FBN2: variants seen among roughly 807,000 people sequenced by gnomAD.
FBN2 encodes fibrillin 2, also known as fibrillin-2.
A neutral mutation model predicts 355.6 loss-of-function variants in FBN2; 105 were observed. That is an observed-to-expected ratio of 0.30 (90% CI 0.25 to 0.35). The LOEUF is 0.35. Ranked by LOEUF, FBN2 falls within the 10% of genes least tolerant of loss-of-function variation. FBN2 has a pLI of 1.00. For missense variants in FBN2, 3,280 were observed against 3,758.7 expected (o/e 0.87, Z 3.33); for synonymous variants, 1,350 against 1,301.2 (o/e 1.04, Z -0.81).
chr5:128,519,187 A>T, intron 5 of FBN2, 86 bp downstream of exon 5: 2 of 887,754 alleles, frequency 2.3e-6, no homozygotes, highest in Non-Finnish European at 3.7e-6. Flanking sequence ...TTTCATTAGC[A>T]GAATCTTCAT....
intron 4 of FBN2, among the ~76,000 whole-genome samples, chr5:128,526,763 A>G (rs1197378822): frequency 6.6e-6 from 1 of 152,110 alleles, no homozygotes; most frequent in Non-Finnish European, 1.5e-5. Flanking sequence ...ATGGGTACAG[A>G]GTTTCAGTTT....
At chr5:128,477,352 G>A (rs1755031438) in intron 5 of FBN2, among the ~76,000 whole-genome samples, 1 of 152,134 alleles carries the variant, frequency 6.6e-6, no homozygotes, top group African/African-American at 2.4e-5. Context: ...ATTTGGTGTA[G>A]AGGTAATGAT....
At chr5:128,300,152 C>T (rs1396909146) in intron 48 of FBN2, among the ~76,000 whole-genome samples, 2 of 152,176 alleles carry the variant, frequency 1.3e-5, no homozygotes, top group African/African-American at 4.8e-5. Context: ...TCCTTAGCAT[C>T]TTTTCACGTT....
chr5:128,478,022 G>A lies in FBN2; in HGVS notation c.629-13101C>T, dbSNP rs1446805878. Among the ~76,000 whole-genome samples the A allele has an allele frequency of 2.0e-5, 3 of 152,204 alleles. No homozygotes were observed. In the South Asian group the frequency reaches 6.2e-4, roughly 32 times the overall value. The stretch of plus-strand genomic sequence containing the variant: ...TCTGAGATTGCTGAATGTTTTCCTC[G>A]ATTCAGACTTTTCACTTCTTGTGTG... On this transcript the variant is annotated intron_variant, in intron 5 of 64. Transcript: ENST00000262464.
In FBN2 at chr5:128,335,103, TTGTG is replaced by T. The variant is rs1561776314; in HGVS notation, c.3973+63_3973+66del. On this transcript the variant is annotated intron_variant, in intron 30 of 64. Coordinates refer to ENST00000262464, the MANE Select transcript of FBN2 (RefSeq NM_001999.4). ...AGAAAAAGCCTTCCTTTTATCACGC[TTGTG>T]TGTGCATGTGGGTGTGTGTGCATGT... 4.4e-6 allele frequency: 7 copies of T among 1,600,650 alleles called. No individual in the cohort carries two copies. In the East Asian group the frequency reaches 6.7e-5, roughly 15 times the overall value.
chr5:128,284,637 C>G (rs1749090186), intron 55 of FBN2, among the ~76,000 whole-genome samples: 1 of 152,168 alleles, frequency 6.6e-6, no homozygotes, highest in African/African-American at 2.4e-5. Context: ...ACCAAATCTG[C>G]CATGCTCTCT....
intron 7 of FBN2, among the ~76,000 whole-genome samples, chr5:128,429,622 C>T (rs1316442644): frequency 6.6e-6 from 1 of 152,074 alleles, no homozygotes; most frequent in Non-Finnish European, 1.5e-5. Flanking sequence ...AATCTTCCAC[C>T]TTCAAACAAG....
chr5:128,349,595 T>C, intron 22 of FBN2, 123 bp from the exon 23 acceptor site: 1 of 1,214,518 alleles, frequency 8.2e-7, no homozygotes, highest in South Asian at 1.3e-5. Flanking sequence ...TTACTTGAGT[T>C]AAACAGAAAT....
At chr5:128,525,877 A>G (rs1897998) in intron 4 of FBN2, among the ~76,000 whole-genome samples, 19,971 of 152,196 alleles carry the variant, frequency 0.13, 2,155 homozygotes, top group African/African-American at 0.29. Context: ...CAGTGTCTAT[A>G]AAGTATACAA....
intron 8 of FBN2, among the ~76,000 whole-genome samples, chr5:128,400,052 A>G (rs1255546601): frequency 1.3e-5 from 2 of 152,040 alleles, no homozygotes; most frequent in African/African-American, 4.8e-5. Flanking sequence ...AAAACAAAAA[A>G]TAGATATAGG....
intron 54 of FBN2, 109 bp from the exon 55 acceptor site, chr5:128,286,958 C>G: frequency 8.9e-7 from 1 of 1,124,058 alleles, no homozygotes; most frequent in Non-Finnish European, 1.3e-6. Flanking sequence ...TATGGTGGGA[C>G]AGAGAAAGGA....
chr5:128,399,866 G>A (rs1375215526), intron 8 of FBN2, among the ~76,000 whole-genome samples: 1 of 151,696 alleles, frequency 6.6e-6, no homozygotes, highest in Non-Finnish European at 1.5e-5. Context: ...CAGGTCGGGG[G>A]GATCCTGAAC....
At position 128,408,661 on chromosome 5, in the gene FBN2, A is replaced by T; in HGVS notation, c.1078+13T>A. The T allele has an allele frequency of 6.2e-7, 1 of 1,613,914 alleles. No homozygotes were observed. Among genetic ancestry groups the T allele is most frequent in the Non-Finnish European group, 8.5e-7 (1 of 1,179,840 alleles). ...AGACCCAGTGTATTGAGCCTTCAAA[A>T]TGCGAGGCTTACCGATGCATCGAGA... is the stretch of plus-strand genomic sequence containing the variant. On this transcript the variant is annotated intron_variant, in intron 8 of 64. Coordinates refer to ENST00000262464, the MANE Select transcript of FBN2 (RefSeq NM_001999.4).
intron 6 of FBN2, among the ~76,000 whole-genome samples, chr5:128,454,711 A>T (rs1003736732): frequency 1.3e-5 from 2 of 152,218 alleles, no homozygotes; most frequent in African/African-American, 4.8e-5. Context: ...ATATGAAAAG[A>T]ACACACACCA....
chr5:128,499,850 G>C (rs1328012581), intron 5 of FBN2, among the ~76,000 whole-genome samples: 6 of 151,776 alleles, frequency 4.0e-5, no homozygotes, highest in South Asian at 4.2e-4. Flanking sequence ...TACTTTGTGT[G>C]CTATTTCTAA....
At chr5:128,409,187 A>AGT (rs1753006360) in intron 7 of FBN2, among the ~76,000 whole-genome samples, 3 of 152,226 alleles carry the variant, frequency 2.0e-5, no homozygotes, top group Admixed American at 2.0e-4. Context: ...ACTGTATTTG[A>AGT]AAATGTATAA....
At chr5:128,284,514 GA>G (rs1749082848) in intron 55 of FBN2, among the ~76,000 whole-genome samples, 1 of 152,114 alleles carries the variant, frequency 6.6e-6, no homozygotes, top group African/African-American at 2.4e-5. Context: ...ACTCATCTTT[GA>G]ACAATTTTCT....
intron 6 of FBN2, among the ~76,000 whole-genome samples, chr5:128,451,440 C>G (rs1364135219): frequency 6.6e-6 from 1 of 152,074 alleles, no homozygotes; most frequent in African/African-American, 2.4e-5. Context: ...GCTCCTGTTG[C>G]CCAGGTTGGA....
intron 6 of FBN2, among the ~76,000 whole-genome samples, chr5:128,452,650 T>G (rs1409829315): frequency 1.3e-5 from 2 of 152,350 alleles, no homozygotes; most frequent in East Asian, 1.9e-4. Flanking sequence ...CTATATTTCA[T>G]AGCGTGTTTT....
Sources: gnomAD v4.1 joint callset for allele counts (sites outside exome capture counted in the v4.1 genomes callset) on GRCh38, gnomAD v4.1.1 for gene constraint, MANE v1.5 for transcripts, NCBI Gene and HGNC (gene_info 2026-07-23, HGNC 2026-07-21) for gene names.